The following KIT variants were observed in gnomAD, a reference collection of about 807,000 sequenced individuals.
KIT encodes the protein KIT proto-oncogene, receptor tyrosine kinase.
A neutral mutation model predicts 105.7 loss-of-function variants in KIT; 16 were observed. The ratio of observed to expected loss-of-function variants is 0.15; its 90% CI spans 0.10 to 0.23. KIT has a LOEUF of 0.23. Among genes scored for constraint, KIT ranks in the 10% least tolerant of loss-of-function variants. The pLI, the probability that KIT is intolerant of heterozygous loss-of-function variation, is 1.00. For missense variants in KIT, 858 were observed against 1,213.8 expected, an observed-to-expected ratio of 0.71 and a Z score of 4.36; for synonymous variants, 438 against 441.1, an observed-to-expected ratio of 0.99 and a Z score of 0.09.
intron 7 of KIT, among the ~76,000 whole-genome samples, chr4:54,710,069 G>A (rs1323613982): frequency 6.6e-6 from 1 of 152,198 alleles, no homozygotes; most frequent in Non-Finnish European, 1.5e-5. Flanking sequence ...GTAGCAGATG[G>A]TTTAGGATGG....
At chr4:54,699,068 G>A (rs1490621293) in intron 3 of KIT, among the ~76,000 whole-genome samples, 7 of 152,174 alleles carry the variant, frequency 4.6e-5, no homozygotes, top group Admixed American at 6.5e-5. Flanking sequence ...AGAATATTTC[G>A]TTAGCTGGAA....
intron 1 of KIT, among the ~76,000 whole-genome samples, chr4:54,677,718 G>A (rs1313810447): frequency 1.3e-5 from 2 of 152,188 alleles, no homozygotes; most frequent in East Asian, 3.9e-4. Flanking sequence ...TGAAGCCAGT[G>A]TTTTTTATTC....
chr4:54,710,060 T>C (rs1175145038), intron 7 of KIT, among the ~76,000 whole-genome samples: 3 of 152,248 alleles, frequency 2.0e-5, no homozygotes, highest in East Asian at 1.9e-4. Flanking sequence ...TGGGAGAAGG[T>C]AGCAGATGGT....
intron 13 of KIT, among the ~76,000 whole-genome samples, chr4:54,728,837 A>T (rs1280312498): frequency 6.6e-6 from 1 of 152,214 alleles, no homozygotes; most frequent in Non-Finnish European, 1.5e-5. Context: ...AAATTTTTCA[A>T]CTAGTAGCGC....
chr4:54,723,522 G>A, intron 7 of KIT, 62 bp from the exon 8 acceptor site: 3 of 1,045,770 alleles, frequency 2.9e-6, no homozygotes, highest in Non-Finnish European at 3.0e-6. Context: ...GAGAGGGAGT[G>A]AAGTGAATGT....
chr4:54,682,908 C>T (rs1053180943), intron 1 of KIT, among the ~76,000 whole-genome samples: 4 of 151,998 alleles, frequency 2.6e-5, no homozygotes, highest in Admixed American at 6.6e-5. Flanking sequence ...TGCTACACCA[C>T]ACCTGGCTAA....
chr4:54,695,856 G>A (rs932261389), intron 2 of KIT, 75 bp downstream of exon 2: 2 of 1,550,926 alleles, frequency 1.3e-6, no homozygotes, highest in Admixed American at 1.7e-5. Flanking sequence ...ATGACATATG[G>A]ATGACTGAGC....
rs1038355878 is a variant in KIT at position 54,727,451 on chromosome 4, G to A, written c.1683G>A (p.Glu561=). The A allele has an allele frequency of 1.9e-6, 3 of 1,614,006 alleles. No individual in the cohort carries two copies. Among genetic ancestry groups the A allele is most frequent in the Non-Finnish European group, 1.7e-6 (2 of 1,180,018 alleles). The part of the protein sequence containing the change: ...PMYEVQWKVV[E]EINGNNYVYI... ...ATGAAGTACAGTGGAAGGTTGTTGA[G>A]GAGATAAATGGAAACAATTATGTTT... is the stretch of plus-strand genomic sequence containing the variant. The change falls in exon 11 of 21, where the codon GAG becomes GAA. Residue 561 remains glutamate (E), a synonymous_variant. Coordinates refer to ENST00000288135, the MANE Select transcript of KIT (RefSeq NM_000222.3).
intron 7 of KIT, among the ~76,000 whole-genome samples, chr4:54,714,120 T>C (rs1207123121): frequency 1.3e-5 from 2 of 152,226 alleles, no homozygotes; most frequent in Non-Finnish European, 2.9e-5. Flanking sequence ...GACATCAAAT[T>C]CTTAGATCTG....
In KIT at chr4:54,740,602, A is replaced by G. The variant is rs1578012766; in HGVS notation, c.*2045A>G. 2 of 233,030 alleles carry G rather than the reference A, an allele frequency of 8.6e-6. No individual in the cohort carries two copies. Among genetic ancestry groups the G allele is most frequent in the Non-Finnish European group, 1.7e-5 (2 of 117,678 alleles). 14.4% of individuals were successfully genotyped at this position (233,030 alleles called of 1,614,324 possible). A position where few individuals can be genotyped will look rare whatever the true frequency, so the allele number is the denominator to read the frequency against. On this transcript the variant is annotated 3_prime_UTR_variant, in exon 21 of 21. Coordinates refer to ENST00000288135, the MANE Select transcript of KIT (RefSeq NM_000222.3). ...ATATACAGTAACTTTATGTGTAAATACATAAGCGGCGTAAGTTTAAAGGAT... is the reference window on the plus strand; with the variant it reads ...ATATACAGTAACTTTATGTGTAAATGCATAAGCGGCGTAAGTTTAAAGGAT...
chr4:54,701,151 TC>T (rs1204793215), intron 4 of KIT, among the ~76,000 whole-genome samples: 1 of 152,230 alleles, frequency 6.6e-6, no homozygotes, highest in African/African-American at 2.4e-5. Context: ...TGCATGCCAG[TC>T]CCAATTAATC....
intron 2 of KIT, 118 bp from the exon 3 acceptor site, chr4:54,698,165 GA>G: frequency 9.4e-7 from 1 of 1,064,036 alleles, no homozygotes; most frequent in Non-Finnish European, 1.4e-6. Flanking sequence ...TGTTTACACA[GA>G]AAAAAGCAGC....
intron 1 of KIT, among the ~76,000 whole-genome samples, chr4:54,684,164 G>C (rs1419023963): frequency 7.0e-6 from 1 of 142,810 alleles, no homozygotes; most frequent in Non-Finnish European, 1.5e-5. Flanking sequence ...CGCCCACACA[G>C]AGGTGTGTGG....
chr4:54,682,251 G>A (rs533000568), intron 1 of KIT, among the ~76,000 whole-genome samples: 62 of 151,562 alleles, frequency 4.1e-4, no homozygotes, highest in Middle Eastern at 3.5e-3. Context: ...CACCATGCCT[G>A]ACTAATTTTT....
At chr4:54,692,911 A>G (rs751993411) in intron 1 of KIT, among the ~76,000 whole-genome samples, 17 of 152,164 alleles carry the variant, frequency 1.1e-4, no homozygotes, top group Admixed American at 3.9e-4. Context: ...ACCACAGGCA[A>G]TATTTGGCTA....
intron 16 of KIT, 47 bp downstream of exon 16, chr4:54,732,045 ATTTTTTTTTTTTTTTT>A: frequency 1.1e-6 from 1 of 887,880 alleles, no homozygotes; most frequent in Non-Finnish European, 1.6e-6. Flanking sequence ...TGTTTTTTTG[ATTTTTTTTTTTTTTTT>A]TTTTTTTTTG....
chr4:54,674,171 A>G (rs906646638), intron 1 of KIT, among the ~76,000 whole-genome samples: 2 of 152,090 alleles, frequency 1.3e-5, no homozygotes, highest in African/African-American at 2.4e-5. Context: ...ACCTGCCCAG[A>G]CTTTCCCTTA....
rs1441823037 is a variant in KIT, at chr4:54,727,708, T to C, written c.1775-115T>C. ...TGCCATAGAGAACATCGTAGGAAAA[T>C]GTCTCTGGACAACATTGTTTTTAAT... On this transcript the variant is annotated intron_variant, in intron 11 of 20. Coordinates refer to ENST00000288135, the MANE Select transcript of KIT (RefSeq NM_000222.3). The C allele has an allele frequency of 4.7e-6, 6 of 1,276,798 alleles. No homozygotes were observed. The East Asian group carries it at 1.2e-4, about 25-fold the overall frequency. 79.1% of individuals were successfully genotyped at this position (1,276,798 alleles called of 1,614,324 possible).
chr4:54,702,764 T>G (rs1012027043), intron 4 of KIT, among the ~76,000 whole-genome samples: 1 of 152,174 alleles, frequency 6.6e-6, no homozygotes, highest in Non-Finnish European at 1.5e-5. Context: ...AACATCCTGG[T>G]AAGCTCCTTT....
Sources: allele counts gnomAD v4.1 joint callset (sites outside exome capture counted in the v4.1 genomes callset), GRCh38; gene constraint gnomAD v4.1.1; transcripts MANE v1.5; gene names NCBI Gene and HGNC (gene_info 2026-07-23, HGNC 2026-07-21).